URGCP: variants seen among roughly 807,000 people sequenced by gnomAD.
The protein encoded by URGCP is up-regulator of cell proliferation.
In URGCP, 13 loss-of-function variants were observed where a neutral mutation model predicts 24.6. The ratio of observed to expected loss-of-function variants is 0.53; its 90% CI spans 0.34 to 0.84. The LOEUF (loss-of-function observed/expected upper bound fraction) is 0.84, where lower values mean the gene tolerates loss of function less well. Ranked by LOEUF, URGCP falls within the 40% of genes least tolerant of loss-of-function variation. URGCP has a pLI of 0.01. For synonymous variants in URGCP, 444 were observed against 487.2 expected, an observed-to-expected ratio of 0.91 and a Z score of 1.17; for missense variants, 899 against 1,194.3, an observed-to-expected ratio of 0.75 and a Z score of 3.64.
intron 1 of URGCP, among the ~76,000 whole-genome samples, chr7:43,922,729 CT>C (rs2095923818): frequency 6.6e-6 from 1 of 151,894 alleles, no homozygotes; most frequent in African/African-American, 2.4e-5. Context: ...TTTCAAGTAT[CT>C]GCTTTTGGTG....
chr7:43,907,122 T>G (rs2095904826), upstream of URGCP: 1 of 133,722 alleles, frequency 7.5e-6, no homozygotes. Context: ...CTTTTATTAT[T>G]CTTTATAGTG....
In URGCP at chr7:43,877,440, C is replaced by G. The variant is rs750818605; in HGVS notation, c.2023G>C (p.Val675Leu). 6.2e-7 allele frequency: 1 copy of G among 1,613,592 alleles called. No individual in the cohort carries two copies. Among genetic ancestry groups the G allele is most frequent in the Non-Finnish European group, 8.5e-7 (1 of 1,179,940 alleles). The stretch of plus-strand genomic sequence containing the variant: ...TGCAGCTCCTTCAGGAGCCCTGTGA[C>G]CCAGCGGACGGGCATGCTCAGCGTG... Reference protein sequence around the residue: ...GSTLSMPVRWVTGLLKELHVR... With the variant: ...GSTLSMPVRWLTGLLKELHVR... The change falls in exon 6 of 6, where the codon GTC becomes CTC. Residue 675 changes from valine to leucine, a missense_variant. Transcript: ENST00000453200.
chr7:43,897,932 CAGAT>C (rs1480670212), intron 1 of URGCP, among the ~76,000 whole-genome samples: 12 of 152,160 alleles, frequency 7.9e-5, no homozygotes, highest in African/African-American at 2.4e-5. Flanking sequence ...GCTCCTGTCT[CAGAT>C]AGGGAGGTCT....
chr7:43,917,024 T>C (rs191095901), intron 1 of URGCP, among the ~76,000 whole-genome samples: 255 of 152,294 alleles, frequency 1.7e-3, no homozygotes, highest in Non-Finnish European at 2.4e-3. Context: ...CCCCATGCTG[T>C]GGGATGCTCT....
intron 2 of URGCP, 67 bp from the exon 3 acceptor site, chr7:43,887,552 C>A: frequency 6.4e-7 from 1 of 1,573,816 alleles, no homozygotes; most frequent in Non-Finnish European, 8.6e-7. Flanking sequence ...ATCAAACTGG[C>A]CGCATATAAA....
intron 1 of URGCP, among the ~76,000 whole-genome samples, chr7:43,891,535 G>A (rs2095870671): frequency 6.6e-6 from 1 of 151,966 alleles, no homozygotes; most frequent in African/African-American, 2.4e-5. Flanking sequence ...CAGACCCTCG[G>A]CTGATAGAAA....
At chr7:43,896,207 A>C (rs570700041) in intron 1 of URGCP, among the ~76,000 whole-genome samples, 1 of 152,268 alleles carries the variant, frequency 6.6e-6, no homozygotes, top group East Asian at 1.9e-4. Context: ...AGGTTGGTTA[A>C]GATACAAAAT....
intron 3 of URGCP, among the ~76,000 whole-genome samples, chr7:43,883,455 G>C (rs1366620339): frequency 1.3e-5 from 2 of 149,582 alleles, no homozygotes; most frequent in Non-Finnish European, 3.0e-5. Context: ...CTGCCTCCCG[G>C]ATTCATGCCA....
rs576299525 is a variant in URGCP, at chr7:43,876,174, G to C, written c.*493C>G. ...ATCAGTCAATAAATACGGTGCCATG[G>C]GAGTGCCTTGCACACCACGGGCACT... On this transcript the variant is annotated 3_prime_UTR_variant, in exon 6 of 6. Coordinates refer to ENST00000453200, the MANE Select transcript of URGCP (RefSeq NM_001077663.3). 30 of 165,324 alleles carry C rather than the reference G, an allele frequency of 1.8e-4. No individual in the cohort carries two copies. The South Asian group carries it at 4.9e-3, about 27-fold the overall frequency. 10.2% of individuals were successfully genotyped at this position (165,324 alleles called of 1,614,324 possible).
chr7:43,906,816 C>T (rs1424987502), upstream of URGCP: 10 of 285,908 alleles, frequency 3.5e-5, no homozygotes, highest in African/African-American at 9.0e-5. Flanking sequence ...CGCCCACCTG[C>T]CCAGGTGCCT....
intron 1 of URGCP, among the ~76,000 whole-genome samples, chr7:43,895,047 AC>A (rs1232458688): frequency 1.3e-5 from 2 of 152,128 alleles, no homozygotes; most frequent in African/African-American, 4.8e-5. Context: ...AACAAAAAAA[AC>A]ATAGACAAAG....
At chr7:43,898,866 G>A (rs1240377617) in intron 1 of URGCP, among the ~76,000 whole-genome samples, 3 of 149,528 alleles carry the variant, frequency 2.0e-5, no homozygotes, top group Admixed American at 1.3e-4. Flanking sequence ...GCTGGGTGTG[G>A]TGGCTCATGC....
At chr7:43,890,243 C>A (rs1201568621) in intron 1 of URGCP, among the ~76,000 whole-genome samples, 1 of 125,558 alleles carries the variant, frequency 8.0e-6, no homozygotes, top group Non-Finnish European at 1.6e-5. Context: ...GAGACAGAGT[C>A]TCGCTCTGTT....
chr7:43,894,531 T>A (rs191441229), intron 1 of URGCP, among the ~76,000 whole-genome samples: 1 of 152,076 alleles, frequency 6.6e-6, no homozygotes, highest in East Asian at 1.9e-4. Context: ...TATTATTATT[T>A]TTTATTTTTT....
At chr7:43,881,337 A>C in intron 5 of URGCP, 2 of 667,586 alleles carry the variant, frequency 3.0e-6, no homozygotes, top group Non-Finnish European at 5.3e-6. Context: ...ATTAGAATCA[A>C]TCACTTCAGG....
upstream of URGCP, chr7:43,926,478 G>T: frequency 4.2e-6 from 6 of 1,425,774 alleles, no homozygotes; most frequent in Non-Finnish European, 4.6e-6. Context: ...AGCCGGCAGC[G>T]GGCCGCCTCA....
intron 1 of URGCP, chr7:43,919,116 A>G: frequency 1.1e-6 from 1 of 875,656 alleles, no homozygotes. Flanking sequence ...GTGTCAGTTC[A>G]TTGCTGGGGG....
intron 1 of URGCP, chr7:43,888,368 G>A (rs1261275074): frequency 6.6e-6 from 1 of 152,138 alleles, no homozygotes; most frequent in East Asian, 1.9e-4. Context: ...CAGGCGTGGT[G>A]GCAGGCGCCT....
At chr7:43,879,296 G>A in intron 5 of URGCP, 36 bp from the exon 6 acceptor site, 3 of 1,557,992 alleles carry the variant, frequency 1.9e-6, no homozygotes, top group South Asian at 2.4e-5. Flanking sequence ...TGCTCACCCT[G>A]TGTTTCTGAG....
Sources: allele counts gnomAD v4.1 joint callset (sites outside exome capture counted in the v4.1 genomes callset), GRCh38; gene constraint gnomAD v4.1.1; transcripts MANE v1.5; gene names NCBI Gene and HGNC (gene_info 2026-07-23, HGNC 2026-07-21).